Variants in TMEM178B observed in about 807,000 individuals in gnomAD.
The protein encoded by TMEM178B is transmembrane protein 178B.
In TMEM178B, 5 loss-of-function variants were observed where a neutral mutation model predicts 31.0. The observed-to-expected ratio is 0.16, with a 90% CI of 0.08 to 0.34. The LOEUF is 0.34. Among genes scored for constraint, TMEM178B ranks in the 10% least tolerant of loss-of-function variants. The pLI is 1.00. For synonymous variants in TMEM178B, 164 were observed against 164.0 expected, an observed-to-expected ratio of 1.00 and a Z score of 0.00; for missense variants, 275 against 400.3, an observed-to-expected ratio of 0.69 and a Z score of 2.67.
At chr7:141,100,646 T>A (rs1247046689) in intron 1 of TMEM178B, among the ~76,000 whole-genome samples, 22 of 152,218 alleles carry the variant, frequency 1.4e-4, no homozygotes, top group Non-Finnish European at 7.3e-5. Flanking sequence ...AAATAGAAAT[T>A]ATTTTTAGAC....
At chr7:141,230,354 T>C (rs982009190) in intron 2 of TMEM178B, among the ~76,000 whole-genome samples, 4 of 152,212 alleles carry the variant, frequency 2.6e-5, no homozygotes, top group African/African-American at 7.2e-5. Flanking sequence ...GAAAAATCCT[T>C]TTCCCCTTAA....
chr7:141,396,415 C>T (rs1007440206), intron 2 of TMEM178B, among the ~76,000 whole-genome samples: 2 of 152,240 alleles, frequency 1.3e-5, no homozygotes, highest in Admixed American at 6.5e-5. Flanking sequence ...ACTTACTCTG[C>T]TGTGCCGCAG....
At chr7:141,141,511 T>C (rs1795767429) in intron 1 of TMEM178B, among the ~76,000 whole-genome samples, 1 of 152,204 alleles carries the variant, frequency 6.6e-6, no homozygotes, top group African/African-American at 2.4e-5. Context: ...ATCCATAGCT[T>C]AAATTATACA....
chr7:141,270,699 A>G (rs1481845164), intron 2 of TMEM178B, among the ~76,000 whole-genome samples: 1 of 152,226 alleles, frequency 6.6e-6, no homozygotes, highest in East Asian at 1.9e-4. Context: ...AATTCTCTTC[A>G]CAAGCCTCCA....
chr7:141,442,864 G>A (rs913228249), intron 3 of TMEM178B, among the ~76,000 whole-genome samples: 12 of 152,198 alleles, frequency 7.9e-5, no homozygotes, highest in African/African-American at 2.7e-4. Context: ...TTATTTCATA[G>A]ATTACATGGT....
chr7:141,252,448 C>T (rs931745506), intron 2 of TMEM178B, among the ~76,000 whole-genome samples: 12 of 152,134 alleles, frequency 7.9e-5, no homozygotes, highest in African/African-American at 2.2e-4. Context: ...CTGAACTCTT[C>T]GATAACCCCA....
chr7:141,227,885 T>C (rs1305961661), intron 2 of TMEM178B, among the ~76,000 whole-genome samples: 4 of 152,218 alleles, frequency 2.6e-5, no homozygotes, highest in Non-Finnish European at 5.9e-5. Context: ...AGTGACTGTC[T>C]TTATCTCCAG....
intron 2 of TMEM178B, among the ~76,000 whole-genome samples, chr7:141,333,421 G>A (rs1442077903): frequency 1.3e-5 from 2 of 152,216 alleles, no homozygotes; most frequent in Non-Finnish European, 2.9e-5. Context: ...ACAATCATTA[G>A]CAAGTGTGGG....
chr7:141,397,422 C>T (rs116197282), intron 2 of TMEM178B, among the ~76,000 whole-genome samples: 14 of 152,246 alleles, frequency 9.2e-5, no homozygotes, highest in African/African-American at 2.9e-4. Flanking sequence ...TCCAGCAAGC[C>T]CTGAGACGGA....
At chr7:141,375,268 T>C (rs1161144807) in intron 2 of TMEM178B, among the ~76,000 whole-genome samples, 1 of 152,210 alleles carries the variant, frequency 6.6e-6, no homozygotes, top group African/African-American at 2.4e-5. Flanking sequence ...TGGAAAGGTT[T>C]CAGTGTGGTC....
chr7:141,209,246 C>T (rs1466661316), intron 1 of TMEM178B, among the ~76,000 whole-genome samples: 1 of 152,222 alleles, frequency 6.6e-6, no homozygotes, highest in Non-Finnish European at 1.5e-5. Flanking sequence ...GACCTAGTTG[C>T]CCCGGGGCTA....
chr7:141,507,011 C>A, the TMEM178B span, among the ~76,000 whole-genome samples: 1 of 152,164 alleles, frequency 6.6e-6, no homozygotes, highest in South Asian at 2.1e-4. Context: ...CACATCCAGG[C>A]AACACTGATA....
chr7:141,419,859 T>C (rs775033002), intron 2 of TMEM178B, among the ~76,000 whole-genome samples: 20 of 152,222 alleles, frequency 1.3e-4, no homozygotes, highest in African/African-American at 4.3e-4. Flanking sequence ...CGATCTATTA[T>C]ATGGCTCTAA....
chr7:141,103,382 AT>A (rs1176185862), intron 1 of TMEM178B, among the ~76,000 whole-genome samples: 2 of 152,170 alleles, frequency 1.3e-5, no homozygotes, highest in East Asian at 3.8e-4. Context: ...GGAAGTTGAA[AT>A]TCGAGTGCCT....
intron 1 of TMEM178B, among the ~76,000 whole-genome samples, chr7:141,165,212 T>C (rs752079481): frequency 6.6e-6 from 1 of 152,074 alleles, no homozygotes; most frequent in Non-Finnish European, 1.5e-5. Context: ...CAGGATCCAA[T>C]CCTGGATCCC....
chr7:141,402,614 G>T (rs1435447744), intron 2 of TMEM178B, among the ~76,000 whole-genome samples: 1 of 152,252 alleles, frequency 6.6e-6, no homozygotes, highest in African/African-American at 2.4e-5. Flanking sequence ...GGGTGGGAGA[G>T]AAGTGAATTT....
intron 1 of TMEM178B, among the ~76,000 whole-genome samples, chr7:141,083,391 AG>A (rs1794719688): frequency 6.6e-6 from 1 of 151,550 alleles, no homozygotes; most frequent in East Asian, 1.9e-4. Context: ...AGTTAGATTT[AG>A]GTGTCAAAGA....
At chr7:141,423,871 C>T (rs1452688091) in intron 2 of TMEM178B, among the ~76,000 whole-genome samples, 7 of 145,364 alleles carry the variant, frequency 4.8e-5, no homozygotes, top group African/African-American at 7.7e-5. Context: ...TGTAGTGGCA[C>T]GATCTTGGCT....
At chr7:141,245,815 TTGTG>T (rs1313001508) in intron 2 of TMEM178B, among the ~76,000 whole-genome samples, 1 of 152,212 alleles carries the variant, frequency 6.6e-6, no homozygotes, top group African/African-American at 2.4e-5. Flanking sequence ...ATTCTTTTCG[TTGTG>T]TAAGTTTGTC....
Sources: allele counts gnomAD v4.1 joint callset (sites outside exome capture counted in the v4.1 genomes callset), GRCh38; gene constraint gnomAD v4.1.1; transcripts MANE v1.5; gene names NCBI Gene and HGNC (gene_info 2026-07-23, HGNC 2026-07-21).